Variants in CNTNAP2 observed in about 807,000 individuals in gnomAD.
CNTNAP2 encodes contactin associated protein 2.
CNTNAP2 carries 98 observed loss-of-function variants against 155.2 expected under a neutral mutation model. That is an observed-to-expected ratio of 0.63 (90% CI 0.54 to 0.75). The LOEUF (loss-of-function observed/expected upper bound fraction) is 0.75, where lower values mean the gene tolerates loss of function less well. CNTNAP2 is among the 30% of genes least tolerant of loss of function. The pLI is 0.00. For missense variants in CNTNAP2, 1,727 were observed against 1,688.1 expected (o/e 1.02, Z -0.40); for synonymous variants, 651 against 631.2 (o/e 1.03, Z -0.47).
At chr7:147,617,679 C>A (rs1801318762) in intron 12 of CNTNAP2, among the ~76,000 whole-genome samples, 1 of 152,064 alleles carries the variant, frequency 6.6e-6, no homozygotes, top group South Asian at 2.1e-4. Context: ...GCACGCAACC[C>A]AGAATTAGGA....
Position 148,274,555 on chromosome 7 carries a change from A to G in CNTNAP2, c.3475+7429A>G, listed in dbSNP as rs71532722. ...TGAGCTCTCACTCTGAGTTCACACA[A>G]AACCTGGATGTTTAAGTATGTAGCA... On this transcript the variant is annotated intron_variant, in intron 21 of 23. Transcript: ENST00000361727. 3.5e-3 allele frequency among the ~76,000 whole-genome samples: 534 copies of G among 152,286 alleles called. 1 individual carries two copies. Among genetic ancestry groups the G allele is most frequent in the Non-Finnish European group, 4.6e-3 (316 of 68,018 alleles).
At chr7:146,986,721 T>C (rs1351216855) in intron 3 of CNTNAP2, among the ~76,000 whole-genome samples, 1 of 152,088 alleles carries the variant, frequency 6.6e-6, no homozygotes, top group Non-Finnish European at 1.5e-5. Flanking sequence ...TGGTATTGCT[T>C]TGTGGTTTTG....
chr7:146,349,854 G>A (rs943022186), intron 1 of CNTNAP2, among the ~76,000 whole-genome samples: 1 of 152,198 alleles, frequency 6.6e-6, no homozygotes, highest in Admixed American at 6.5e-5. Context: ...AGTCTGATGG[G>A]TTTCCCTTTG....
At chr7:146,337,338 A>G (rs889567334) in intron 1 of CNTNAP2, among the ~76,000 whole-genome samples, 1 of 151,556 alleles carries the variant, frequency 6.6e-6, no homozygotes, top group Non-Finnish European at 1.5e-5. Flanking sequence ...GAGTGTTTTT[A>G]AAAGTGAGAA....
chr7:148,336,916 G>A (rs181246845), intron 21 of CNTNAP2, among the ~76,000 whole-genome samples: 1 of 152,260 alleles, frequency 6.6e-6, no homozygotes, highest in Admixed American at 6.5e-5. Flanking sequence ...ACTGTGAAAC[G>A]ATGGGTAGGT....
intron 14 of CNTNAP2, among the ~76,000 whole-genome samples, chr7:147,977,549 T>A (rs1002629571): frequency 1.3e-5 from 2 of 152,196 alleles, no homozygotes; most frequent in Non-Finnish European, 2.9e-5. Context: ...AAACTCTGCA[T>A]GTGTGCTCAG....
chr7:146,253,646 G>C (rs113345002), intron 1 of CNTNAP2, among the ~76,000 whole-genome samples: 6,309 of 152,214 alleles, frequency 0.041, 399 homozygotes, highest in African/African-American at 0.14. Context: ...CAGAGAGATG[G>C]ATCTATTGGA....
rs1794898209 is a variant in CNTNAP2 at position 146,350,579 on chromosome 7, T to G, written c.97+233606T>G. Among the ~76,000 whole-genome samples, 5 of 151,868 alleles carry G rather than the reference T, an allele frequency of 3.3e-5. No individual in the cohort carries two copies. In the South Asian group the frequency reaches 8.3e-4, roughly 25 times the overall value. On this transcript the variant is annotated intron_variant, in intron 1 of 23. Transcript: ENST00000361727. ...AATAGGAACACTTTTACACTGTTGG[T>G]GGGACTGTAAACTAATTCAACCATT...
At chr7:147,312,583 A>G (rs1359507385) in intron 9 of CNTNAP2, among the ~76,000 whole-genome samples, 1 of 114,902 alleles carries the variant, frequency 8.7e-6, no homozygotes, top group Non-Finnish European at 1.7e-5. Flanking sequence ...CCTACAAAGG[A>G]CATGAACTCA....
chr7:148,105,578 A>T (rs1333959918), intron 15 of CNTNAP2, among the ~76,000 whole-genome samples: 2 of 135,898 alleles, frequency 1.5e-5, no homozygotes, highest in African/African-American at 3.7e-5. Context: ...ATTTTATTTT[A>T]TTTTTTATTT....
chr7:146,868,924 A>G (rs1432884733), intron 3 of CNTNAP2, among the ~76,000 whole-genome samples: 3 of 152,152 alleles, frequency 2.0e-5, no homozygotes, highest in Non-Finnish European at 1.5e-5. Context: ...GTCTGAGACT[A>G]TGTGCTTTTC....
At chr7:146,730,240 TGC>T (rs1801501785) in intron 1 of CNTNAP2, among the ~76,000 whole-genome samples, 1 of 152,064 alleles carries the variant, frequency 6.6e-6, no homozygotes, top group East Asian at 1.9e-4. Flanking sequence ...GAACTCAGTT[TGC>T]TCTCTTTCCC....
chr7:147,566,060 C>T (rs151281117), intron 12 of CNTNAP2, among the ~76,000 whole-genome samples: 279 of 149,166 alleles, frequency 1.9e-3, no homozygotes, highest in African/African-American at 6.5e-3. Context: ...ACAGGTGGAT[C>T]GCTTGAGCCC....
chr7:146,174,411 G>A (rs114933845), intron 1 of CNTNAP2, among the ~76,000 whole-genome samples: 252 of 152,110 alleles, frequency 1.7e-3, no homozygotes, highest in African/African-American at 5.8e-3. Context: ...AGTAGAAACA[G>A]GGTTTTGCCA....
intron 10 of CNTNAP2, among the ~76,000 whole-genome samples, chr7:147,451,708 T>C (rs1278918053): frequency 6.7e-6 from 1 of 149,514 alleles, no homozygotes; most frequent in Non-Finnish European, 1.5e-5. Context: ...CAGTCTAGGA[T>C]AAGAATCCTT....
intron 1 of CNTNAP2, among the ~76,000 whole-genome samples, chr7:146,645,151 A>C (rs977565331): frequency 1.3e-5 from 2 of 152,214 alleles, no homozygotes; most frequent in Admixed American, 1.3e-4. Context: ...TTGATAATGT[A>C]AGCCCCAAAG....
At chr7:146,321,699 G>A (rs1801004419) in intron 1 of CNTNAP2, among the ~76,000 whole-genome samples, 1 of 152,192 alleles carries the variant, frequency 6.6e-6, no homozygotes, top group Non-Finnish European at 1.5e-5. Context: ...CATGGGGCAA[G>A]GGAGTGATGG....
chr7:148,373,722 C>G (rs1274908900), intron 21 of CNTNAP2, among the ~76,000 whole-genome samples: 2 of 152,174 alleles, frequency 1.3e-5, no homozygotes, highest in African/African-American at 4.8e-5. Flanking sequence ...TTTAGATGGC[C>G]TCTCTCAGTG....
chr7:147,196,817 AG>A (rs1485043034), intron 8 of CNTNAP2, among the ~76,000 whole-genome samples: 1 of 152,174 alleles, frequency 6.6e-6, no homozygotes, highest in African/African-American at 2.4e-5. Flanking sequence ...AAGAGTGTGC[AG>A]GCGAGTGCAA....
Sources: allele counts gnomAD v4.1 joint callset (sites outside exome capture counted in the v4.1 genomes callset), GRCh38; gene constraint gnomAD v4.1.1; transcripts MANE v1.5; gene names NCBI Gene and HGNC (gene_info 2026-07-23, HGNC 2026-07-21).